COL25A1: variants seen among roughly 807,000 people sequenced by gnomAD.
COL25A1 encodes collagen type XXV alpha 1 chain.
A neutral mutation model predicts 128.4 loss-of-function variants in COL25A1; 103 were observed. That is an observed-to-expected ratio of 0.80 (90% CI 0.68 to 0.94). The LOEUF is 0.94. COL25A1 is among the 40% of genes least tolerant of loss of function. COL25A1 has a pLI of 0.00. For missense variants in COL25A1, 745 were observed against 840.0 expected (o/e 0.89, Z 1.40); for synonymous variants, 279 against 277.2 (o/e 1.01, Z -0.06).
At chr4:109,286,119 T>G (rs561675394) in intron 3 of COL25A1, among the ~76,000 whole-genome samples, 1 of 152,200 alleles carries the variant, frequency 6.6e-6, no homozygotes, top group Non-Finnish European at 1.5e-5. Context: ...TAATAGTGTA[T>G]AGCCTTCAAA....
chr4:108,865,683 T>C (rs977363316), intron 20 of COL25A1, among the ~76,000 whole-genome samples: 3 of 152,204 alleles, frequency 2.0e-5, no homozygotes, highest in African/African-American at 4.8e-5. Flanking sequence ...CAGTCCACTA[T>C]GAAAAACAAA....
At chr4:108,828,708 G>C (rs1732685351) in intron 32 of COL25A1, among the ~76,000 whole-genome samples, 1 of 152,166 alleles carries the variant, frequency 6.6e-6, no homozygotes, top group South Asian at 2.1e-4. Context: ...GTATTTAGTA[G>C]GAAAACTTCA....
At chr4:108,953,989 G>C (rs141873718) in intron 8 of COL25A1, among the ~76,000 whole-genome samples, 14 of 152,140 alleles carry the variant, frequency 9.2e-5, no homozygotes, top group African/African-American at 3.4e-4. Context: ...TTGTAATTCA[G>C]AACACTGATT....
At chr4:109,272,491 A>G (rs1782263290) in intron 3 of COL25A1, among the ~76,000 whole-genome samples, 1 of 152,194 alleles carries the variant, frequency 6.6e-6, no homozygotes, top group South Asian at 2.1e-4. Context: ...TTATGAGAGT[A>G]TTAGCTAAGA....
At chr4:109,166,090 A>G (rs1449406724) in intron 3 of COL25A1, among the ~76,000 whole-genome samples, 1 of 152,212 alleles carries the variant, frequency 6.6e-6, no homozygotes, top group Non-Finnish European at 1.5e-5. Flanking sequence ...AGTCATACAC[A>G]TACTGTAGTG....
At position 108,860,919 on chromosome 4, in the gene COL25A1, A is replaced by G. The variant is rs1226823608; in HGVS notation, c.1242+8T>C. ...GCAAAAGTTTAGATGGATGAGAGGA[A>G]CACTCACCCTTGGTCCCTGAGCTCC... On this transcript the variant is annotated splice_region_variant and intron_variant, in intron 23 of 37. Transcript: ENST00000399132. The G allele has an allele frequency of 3.7e-6, 6 of 1,613,098 alleles. No homozygotes were observed. Among genetic ancestry groups the G allele is most frequent in the Non-Finnish European group, 5.1e-6 (6 of 1,179,144 alleles).
chr4:108,933,180 C>T (rs1444810469), intron 11 of COL25A1, among the ~76,000 whole-genome samples: 1 of 152,188 alleles, frequency 6.6e-6, no homozygotes, highest in Non-Finnish European at 1.5e-5. Context: ...CTGAGACACT[C>T]ATGCAGTTTT....
intron 8 of COL25A1, among the ~76,000 whole-genome samples, chr4:108,955,941 T>A (rs1436443846): frequency 6.6e-6 from 1 of 152,140 alleles, no homozygotes; most frequent in East Asian, 1.9e-4. Flanking sequence ...ATAAATGTGT[T>A]TTAGCCAAAT....
chr4:109,065,581 T>TGC (rs1390669530), intron 3 of COL25A1, among the ~76,000 whole-genome samples: 3 of 148,096 alleles, frequency 2.0e-5, no homozygotes, highest in African/African-American at 5.0e-5. Flanking sequence ...TGTGTGTGTG[T>TGC]GCAGGTGCAT....
intron 19 of COL25A1, among the ~76,000 whole-genome samples, chr4:108,873,383 T>C (rs1242673562): frequency 1.3e-5 from 2 of 152,204 alleles, no homozygotes; most frequent in Admixed American, 1.3e-4. Flanking sequence ...TCTGGCTTTG[T>C]TAAGGTGTGG....
At chr4:109,157,910 C>T (rs1018459573) in intron 3 of COL25A1, among the ~76,000 whole-genome samples, 1 of 152,334 alleles carries the variant, frequency 6.6e-6, no homozygotes, top group African/African-American at 2.4e-5. Flanking sequence ...CGCTAAAGCA[C>T]ATGCAGGATC....
chr4:108,845,217 G>C lies in COL25A1; in HGVS notation c.1550C>G (p.Ser517Cys). ...AGGACCCTGTGGACCCGGCATTCCA[G>C]AATCTCCTTTTTCTCCTTTCATTCC... ...ANGMKGEKGD[S>C]GMPGPQGPSI... Residue 517 changes from serine to cysteine, a missense_variant, in exon 29 of 38, where the codon TCT becomes TGT. By Grantham distance (112) the Ser-to-Cys change is moderately radical (BLOSUM62 -1). This residue lies in a region of COL25A1 where 387 missense variants were observed against 441.9 expected (regional missense o/e 0.88). Coordinates refer to ENST00000399132, the MANE Select transcript of COL25A1 (RefSeq NM_198721.4). 1 of 1,613,982 alleles carries C rather than the reference G, an allele frequency of 6.2e-7. No homozygotes were observed. Among genetic ancestry groups the C allele is most frequent in the South Asian group, 1.1e-5 (1 of 91,088 alleles).
chr4:108,884,979 T>A (rs1740610481), intron 18 of COL25A1, among the ~76,000 whole-genome samples: 1 of 152,196 alleles, frequency 6.6e-6, no homozygotes, highest in African/African-American at 2.4e-5. Context: ...GAGGTTCCAT[T>A]GCTTAGAAAA....
chr4:108,906,824 A>T (rs1743582796), intron 13 of COL25A1, among the ~76,000 whole-genome samples: 3 of 152,114 alleles, frequency 2.0e-5, no homozygotes, highest in South Asian at 2.1e-4. Context: ...TATTAAAACC[A>T]CTCATACATA....
At chr4:108,956,288 A>T (rs1750066219) in intron 8 of COL25A1, among the ~76,000 whole-genome samples, 1 of 152,190 alleles carries the variant, frequency 6.6e-6, no homozygotes, top group African/African-American at 2.4e-5. Context: ...AGAAATCTGA[A>T]CTGAAAATCA....
Position 109,004,573 on chromosome 4 carries a change from G to A in COL25A1, c.438+5785C>T, listed in dbSNP as rs371053877. ...GCCTGGTGGGAGGTGACTGGATCAT[G>A]GGGGTGGATTTCTCATGAATGATTT... On this transcript the variant is annotated intron_variant, in intron 6 of 37. Coordinates refer to ENST00000399132, the MANE Select transcript of COL25A1 (RefSeq NM_198721.4). 2.2e-4 allele frequency among the ~76,000 whole-genome samples: 34 copies of A among 152,198 alleles called. No individual in the cohort carries two copies. The South Asian group carries it at 7.0e-3, about 32-fold the overall frequency.
chr4:108,816,980 A>G (rs893822431), intron 37 of COL25A1, among the ~76,000 whole-genome samples: 1 of 152,184 alleles, frequency 6.6e-6, no homozygotes, highest in Non-Finnish European at 1.5e-5. Context: ...AATGATGCTT[A>G]TATTTTTCTG....
rs77582358 is a variant in COL25A1 at position 109,125,927 on chromosome 4, G to A, written c.368-75748C>T. Among the ~76,000 whole-genome samples the A allele has an allele frequency of 4.1e-4, 62 of 151,978 alleles. 1 individual carries two copies. In the East Asian group the frequency reaches 0.011, roughly 27 times the overall value. On this transcript the variant is annotated intron_variant, in intron 3 of 37. Transcript: ENST00000399132. The stretch of plus-strand genomic sequence containing the variant: ...CCTTAAAAAATACTATCTACTAACC[G>A]TTACCTTTGTTGTTCTGAAGGAAAC...
intron 10 of COL25A1, among the ~76,000 whole-genome samples, chr4:108,938,870 C>G (rs994176144): frequency 6.6e-6 from 1 of 151,760 alleles, no homozygotes; most frequent in African/African-American, 2.4e-5. Flanking sequence ...AAAAAAAAAT[C>G]TTTTTCTAGC....
Sources: gnomAD v4.1 joint callset for allele counts (sites outside exome capture counted in the v4.1 genomes callset) on GRCh38, gnomAD v4.1.1 for gene constraint, gnomAD v4.1.1 regional missense constraint, MANE v1.5 for transcripts, NCBI Gene and HGNC (gene_info 2026-07-23, HGNC 2026-07-21) for gene names.